Variants in AFF1 observed in about 807,000 individuals in gnomAD.
AFF1 encodes ALF transcription elongation factor 1.
In AFF1, 48 loss-of-function variants were observed where a neutral mutation model predicts 121.7. That is an observed-to-expected ratio of 0.39 (90% CI 0.31 to 0.50). AFF1 has a LOEUF of 0.50. Among genes scored for constraint, AFF1 ranks in the 20% least tolerant of loss-of-function variants. The probability of loss-of-function intolerance (pLI) is 0.76; values close to 1 mark genes in which losing one functional copy is unlikely to be tolerated. For synonymous variants in AFF1, 613 were observed against 563.0 expected (o/e 1.09, Z -1.26); for missense variants, 1,523 against 1,511.7 (o/e 1.01, Z -0.12).
chr4:87,042,008 T>G (rs1442093894), intron 2 of AFF1, among the ~76,000 whole-genome samples: 1 of 141,274 alleles, frequency 7.1e-6, no homozygotes, highest in Non-Finnish European at 1.5e-5. Flanking sequence ...AGACTCCATC[T>G]GGAAAAAAAA....
intron 2 of AFF1, chr4:87,007,150 C>A (rs1185312680): frequency 5.4e-6 from 7 of 1,288,178 alleles, no homozygotes; most frequent in East Asian, 3.1e-5. Flanking sequence ...GCTCCCCGGG[C>A]TCGTCTGAAG....
intron 2 of AFF1, among the ~76,000 whole-genome samples, chr4:86,976,123 G>T (rs1033804090): frequency 2.0e-5 from 3 of 152,130 alleles, no homozygotes; most frequent in African/African-American, 7.2e-5. Context: ...TAGTGGGAGG[G>T]GCACACAGAG....
chr4:87,049,774 G>C lies in AFF1; in HGVS notation c.1059+2180G>C, dbSNP rs1289195632. On this transcript the variant is annotated intron_variant, in intron 4 of 20. Coordinates refer to ENST00000395146, the MANE Select transcript of AFF1 (RefSeq NM_001166693.3). ...CCGTGGCGCTGTTGGTGAGTGGGAG[G>C]ATGGAACTGAGGGGGTCAGACAGAT... 3 of 456,080 alleles carry C rather than the reference G, an allele frequency of 6.6e-6. No individual in the cohort carries two copies. In the Admixed American group the frequency reaches 7.0e-5, roughly 11 times the overall value. The allele number at this position is 456,080 out of a possible 1,614,324, so 28.3% of individuals were successfully genotyped here. A position where few individuals can be genotyped will look rare whatever the true frequency, so the allele number is the denominator to read the frequency against.
intron 16 of AFF1, 97 bp downstream of exon 16, chr4:87,127,800 G>A (rs35534149): frequency 0.099 from 121,749 of 1,235,906 alleles, 6,978 homozygotes; most frequent in Non-Finnish European, 0.12. Context: ...ATCACTCAGC[G>A]TATGTGCGGT....
At chr4:87,128,865 CA>C (rs1728550620) in intron 16 of AFF1, among the ~76,000 whole-genome samples, 1 of 152,206 alleles carries the variant, frequency 6.6e-6, no homozygotes, top group African/African-American at 2.4e-5. Flanking sequence ...GTGGTTTCAG[CA>C]GCTTCCATTT....
intron 1 of AFF1, among the ~76,000 whole-genome samples, chr4:86,938,710 ATG>A (rs1335306100): frequency 3.9e-5 from 6 of 152,232 alleles, no homozygotes; most frequent in Admixed American, 3.9e-4. Flanking sequence ...ATGGAAATAA[ATG>A]TGAAATATGT....
At chr4:87,083,372 C>T (rs553422796) in intron 4 of AFF1, among the ~76,000 whole-genome samples, 4 of 152,222 alleles carry the variant, frequency 2.6e-5, no homozygotes, top group Admixed American at 2.6e-4. Context: ...TGTATATATG[C>T]ATGTATGTAT....
chr4:86,962,905 C>T (rs985684260), intron 2 of AFF1, among the ~76,000 whole-genome samples: 1 of 151,980 alleles, frequency 6.6e-6, no homozygotes, highest in South Asian at 2.1e-4. Context: ...TGGCTTATGC[C>T]TGTAAAACTC....
rs78493707 is a variant in AFF1 at position 86,993,493 on chromosome 4, A to G, written c.38+44922A>G. 5.7e-3 allele frequency among the ~76,000 whole-genome samples: 872 copies of G among 152,340 alleles called. 10 individuals are homozygous for G. Among genetic ancestry groups the G allele is most frequent in the African/African-American group, 0.02 (835 of 41,574 alleles). ...ATAGTTTCAAGGGCAGGAAAAGCCC[A>G]TAACTCATAGATGACTATGCCACAA... On this transcript the variant is annotated intron_variant, in intron 2 of 20. Coordinates refer to ENST00000395146, the MANE Select transcript of AFF1 (RefSeq NM_001166693.3).
intron 4 of AFF1, among the ~76,000 whole-genome samples, chr4:87,059,732 CT>C (rs1720535241): frequency 6.6e-6 from 1 of 152,204 alleles, no homozygotes; most frequent in Admixed American, 6.5e-5. Flanking sequence ...CCTTGTTCCA[CT>C]GCAGCCCCCA....
intron 2 of AFF1, among the ~76,000 whole-genome samples, chr4:87,045,752 A>G (rs1730624549): frequency 6.6e-6 from 1 of 152,136 alleles, no homozygotes; most frequent in African/African-American, 2.4e-5. Context: ...GATCCAGGAA[A>G]ACGGCCTTTC....
rs1578336798 is a variant in AFF1, at chr4:87,138,201, G to A, written c.*2500G>A. 3 of 232,682 alleles carry A rather than the reference G, an allele frequency of 1.3e-5. No homozygotes were observed. In the East Asian group the frequency reaches 1.8e-4, roughly 14 times the overall value. 14.4% of individuals were successfully genotyped at this position (232,682 alleles called of 1,614,324 possible). ...AACCTTTTTAATAGAGTATGTGAAA[G>A]GTAGTGGCTGATGAATCCTTAACGT... is the stretch of plus-strand genomic sequence containing the variant. On this transcript the variant is annotated 3_prime_UTR_variant, in exon 21 of 21. Transcript: ENST00000395146.
intron 7 of AFF1, among the ~76,000 whole-genome samples, chr4:87,092,350 A>T (rs538528234): frequency 4.6e-5 from 7 of 152,392 alleles, no homozygotes; most frequent in Admixed American, 2.0e-4. Flanking sequence ...AATACTAAAC[A>T]AATGCAGTGT....
At chr4:87,043,915 T>C (rs1014012763) in intron 2 of AFF1, among the ~76,000 whole-genome samples, 1 of 151,972 alleles carries the variant, frequency 6.6e-6, no homozygotes, top group African/African-American at 2.4e-5. Flanking sequence ...GCCTCCTGGG[T>C]TCAAGCAGTT....
At chr4:87,015,231 CTG>C (rs1727181900) in intron 2 of AFF1, among the ~76,000 whole-genome samples, 1 of 152,174 alleles carries the variant, frequency 6.6e-6, no homozygotes, top group South Asian at 2.1e-4. Flanking sequence ...CATTTACAGT[CTG>C]TGTCTCCCTC....
intron 2 of AFF1, among the ~76,000 whole-genome samples, chr4:87,024,657 A>C (rs1479081142): frequency 2.0e-5 from 3 of 152,176 alleles, no homozygotes; most frequent in Non-Finnish European, 4.4e-5. Context: ...CAGTGGCGCT[A>C]TCTGTTCACT....
intron 2 of AFF1, among the ~76,000 whole-genome samples, chr4:87,038,313 GA>G (rs1212877219): frequency 6.6e-6 from 1 of 152,004 alleles, no homozygotes; most frequent in Non-Finnish European, 1.5e-5. Context: ...ATGGAGAGAC[GA>G]AAAAAATCTC....
At chr4:87,083,562 G>GT (rs2149701652) in intron 4 of AFF1, among the ~76,000 whole-genome samples, 1 of 152,260 alleles carries the variant, frequency 6.6e-6, no homozygotes, top group South Asian at 2.1e-4. Context: ...TTGGTTAGCT[G>GT]TTGCTATGAG....
At chr4:87,020,017 T>G (rs112216385) in intron 2 of AFF1, among the ~76,000 whole-genome samples, 1 of 150,670 alleles carries the variant, frequency 6.6e-6, no homozygotes, top group Non-Finnish European at 1.5e-5. Context: ...TGACGATTGT[T>G]GTGTGAGAGC....
Sources: allele counts gnomAD v4.1 joint callset (sites outside exome capture counted in the v4.1 genomes callset), GRCh38; gene constraint gnomAD v4.1.1; transcripts MANE v1.5; gene names NCBI Gene and HGNC (gene_info 2026-07-23, HGNC 2026-07-21).